AFAP1: variants seen among roughly 807,000 people sequenced by gnomAD.
The protein encoded by AFAP1 is actin filament-associated protein 1.
In AFAP1, 75 loss-of-function variants were observed where a neutral mutation model predicts 93.9. The ratio of observed to expected loss-of-function variants is 0.80; its 90% confidence interval spans 0.66 to 0.97. The LOEUF is 0.97. Among genes scored for constraint, AFAP1 ranks in the 50% least tolerant of loss-of-function variants. The pLI is 0.00. For synonymous variants in AFAP1, 517 were observed against 430.7 expected (o/e 1.20, Z -2.48); for missense variants, 1,201 against 1,050.8 (o/e 1.14, Z -1.98).
At chr4:7,855,884 G>C (rs1224532579) in intron 3 of AFAP1, among the ~76,000 whole-genome samples, 1 of 152,110 alleles carries the variant, frequency 6.6e-6, no homozygotes, top group Non-Finnish European at 1.5e-5. Context: ...CGCAGGACTG[G>C]GCCTGTTCAG....
chr4:7,778,317 G>T (rs762198805), intron 14 of AFAP1: 17 of 237,942 alleles, frequency 7.1e-5, no homozygotes, highest in Non-Finnish European at 1.3e-4. Flanking sequence ...AGTGCTTGGA[G>T]GTCCGTGTAT....
chr4:7,890,023 AAG>A (rs1325722274), intron 1 of AFAP1, among the ~76,000 whole-genome samples: 1 of 150,738 alleles, frequency 6.6e-6, no homozygotes, highest in Non-Finnish European at 1.5e-5. Flanking sequence ...AAAAAAAAAA[AAG>A]AAGCCAATTC....
intron 1 of AFAP1, among the ~76,000 whole-genome samples, chr4:7,893,915 A>T (rs1718620784): frequency 6.6e-6 from 1 of 152,192 alleles, no homozygotes; most frequent in South Asian, 2.1e-4. Flanking sequence ...GAAATAATGC[A>T]AACGCTGCCG....
rs370427640 is a variant in AFAP1 at position 7,849,580 on chromosome 4, T to C, written c.334+5886A>G. On this transcript the variant is annotated intron_variant, in intron 4 of 17. Coordinates refer to ENST00000420658, the MANE Select transcript of AFAP1 (RefSeq NM_001134647.2). ...GGGATGTGTCCAAGTAACACAATGA[T>C]GAAGTATGGCTACTTTCTGGAGCTG... Among the ~76,000 whole-genome samples the C allele has an allele frequency of 2.6e-5, 4 of 152,310 alleles. No individual in the cohort carries two copies. In the East Asian group the frequency reaches 5.8e-4, roughly 22 times the overall value.
chr4:7,917,028 C>T (rs1720119791), intron 1 of AFAP1, among the ~76,000 whole-genome samples: 2 of 152,186 alleles, frequency 1.3e-5, no homozygotes, highest in South Asian at 2.1e-4. Context: ...AGGAATAGTG[C>T]CATGAGTTTG....
chr4:7,818,423 G>A (rs1243034027), intron 7 of AFAP1, among the ~76,000 whole-genome samples: 2 of 152,198 alleles, frequency 1.3e-5, no homozygotes, highest in Non-Finnish European at 2.9e-5. Context: ...TCTCTTCAAT[G>A]GCAGGAGGTT....
intron 9 of AFAP1, among the ~76,000 whole-genome samples, chr4:7,803,685 C>T (rs987350476): frequency 1.3e-5 from 2 of 152,208 alleles, no homozygotes; most frequent in African/African-American, 4.8e-5. Flanking sequence ...GACCTGGTCC[C>T]GAAAAGGGAC....
In AFAP1 at chr4:7,839,485, GC is replaced by G. The variant is rs1437458140; in HGVS notation, c.547-783del. 5.3e-5 allele frequency among the ~76,000 whole-genome samples: 8 copies of G among 152,022 alleles called. No individual in the cohort carries two copies. The East Asian group carries it at 1.5e-3, about 29-fold the overall frequency. ...CTATTAGATTTGTTGCAACTCCACA[GC>G]CCTAATGAGAGAAAATGGAATAATT... On this transcript the variant is annotated intron_variant, in intron 5 of 17. Coordinates refer to ENST00000420658, the MANE Select transcript of AFAP1 (RefSeq NM_001134647.2).
At chr4:7,918,927 ATG>A (rs1720270073) in intron 1 of AFAP1, among the ~76,000 whole-genome samples, 1 of 148,582 alleles carries the variant, frequency 6.7e-6, no homozygotes, top group Non-Finnish European at 1.5e-5. Flanking sequence ...GGGCTGCCGG[ATG>A]AGACACTCGG....
chr4:7,786,818 A>G (rs1717307272), intron 11 of AFAP1, among the ~76,000 whole-genome samples: 1 of 152,268 alleles, frequency 6.6e-6, no homozygotes, highest in African/African-American at 2.4e-5. Context: ...TGGCCTGCAA[A>G]GCTGAAAGTT....
In AFAP1 at chr4:7,772,890, T is replaced by C. The variant is rs370460444; in HGVS notation, c.2183A>G (p.Lys728Arg). The change falls in exon 16 of 18, where the codon AAG becomes AGG. Residue 728 changes from lysine to arginine, a missense_variant. Coordinates refer to ENST00000420658, the MANE Select transcript of AFAP1 (RefSeq NM_001134647.2). Reference sequence around the variant, plus strand: ...GGTGACTCCGCCCGCCAGCGCTTTCTTCAGGCTCTCCTTGACCTCCGTCAG... The same window carrying C: ...GGTGACTCCGCCCGCCAGCGCTTTCCTCAGGCTCTCCTTGACCTCCGTCAG... ...LELTEVKESLKKALAGGVTLG... is the reference protein window; with the variant it reads ...LELTEVKESLRKALAGGVTLG... 5 of 1,614,190 alleles carry C rather than the reference T, an allele frequency of 3.1e-6. No homozygotes were observed. The highest frequency in any genetic ancestry group is 1.6e-4 in the Middle Eastern group (1 of 6,062).
rs1162174728 is a variant in AFAP1, at chr4:7,827,669, T to C, written c.727-8498A>G. ...GAAGCTTTTGAGAGACACCAACCCA[T>C]AGAACAAAGAAGCACAACCAACCCT... is the stretch of plus-strand genomic sequence containing the variant. On this transcript the variant is annotated intron_variant, in intron 6 of 17. Coordinates refer to ENST00000420658, the MANE Select transcript of AFAP1 (RefSeq NM_001134647.2). Among the ~76,000 whole-genome samples the C allele has an allele frequency of 5.1e-5, 7 of 138,024 alleles. No homozygotes were observed. In the East Asian group the frequency reaches 8.6e-4, roughly 17 times the overall value. The allele number at this position is 138,024 out of a possible 152,430, so 90.5% of individuals were successfully genotyped here.
chr4:7,786,212 G>A lies in AFAP1; in HGVS notation c.1512C>T (p.Val504=). 1 of 1,614,172 alleles carries A rather than the reference G, an allele frequency of 6.2e-7. No homozygotes were observed. The highest frequency in any genetic ancestry group is 1.1e-5 in the South Asian group (1 of 91,074). ...CACTCACCGAGCCGTTGATGCACGG[G>A]ACATCGTCATAATGAAGTGCCGTCC... ...PSGTALHYDD[V]PCINGSWEPE... The change falls in exon 12 of 18, where the codon GTC becomes GTT. Residue 504 remains valine (V), a synonymous_variant. Coordinates refer to ENST00000420658, the MANE Select transcript of AFAP1 (RefSeq NM_001134647.2).
intron 4 of AFAP1, 44 bp from the exon 5 acceptor site, chr4:7,843,394 T>C (rs1047687100): frequency 2.0e-6 from 3 of 1,536,666 alleles, no homozygotes; most frequent in African/African-American, 1.4e-5. Flanking sequence ...CTTCTTTACC[T>C]TGAAGTTTAC....
Position 7,865,565 on chromosome 4 carries a change from G to T in AFAP1, c.225+3057C>A, listed in dbSNP as rs115441156. 5.9e-3 allele frequency among the ~76,000 whole-genome samples: 894 copies of T among 152,278 alleles called. 7 individuals are homozygous for T. The highest frequency in any genetic ancestry group is 0.019 in the African/African-American group (779 of 41,540). ...TACCAAAGGCAGGAGCAGATCATAG[G>T]CCAGGGAAAGCAAGAGACAAGGAGA... is the stretch of plus-strand genomic sequence containing the variant. On this transcript the variant is annotated intron_variant, in intron 3 of 17. Transcript: ENST00000420658.
At chr4:7,882,880 C>T (rs1461556037) in intron 1 of AFAP1, among the ~76,000 whole-genome samples, 1 of 151,230 alleles carries the variant, frequency 6.6e-6, no homozygotes, top group Non-Finnish European at 1.5e-5. Context: ...AAAGGTGATT[C>T]AATATTAGAA....
intron 1 of AFAP1, among the ~76,000 whole-genome samples, chr4:7,913,657 A>G (rs1274636059): frequency 6.6e-6 from 1 of 152,228 alleles, no homozygotes; most frequent in Non-Finnish European, 1.5e-5. Context: ...TAATTAAGGT[A>G]TATTTCCCAC....
rs540357069 is a variant in AFAP1 at position 7,819,293 on chromosome 4, C to G, written c.727-122G>C. 1.3e-4 allele frequency: 110 copies of G among 826,710 alleles called. 1 individual carries two copies. The African/African-American group carries it at 1.7e-3, about 13-fold the overall frequency. 51.2% of individuals were successfully genotyped at this position (826,710 alleles called of 1,614,324 possible). On this transcript the variant is annotated intron_variant, in intron 6 of 17. Transcript: ENST00000420658. ...AGGGAAATTCATGGGCTCAAAGCAC[C>G]TGGCTCTGAGTTCCAGCGTGCCAGG... is the stretch of plus-strand genomic sequence containing the variant.
chr4:7,770,029 C>T (rs1353175627), intron 16 of AFAP1, among the ~76,000 whole-genome samples: 1 of 152,178 alleles, frequency 6.6e-6, no homozygotes, highest in Non-Finnish European at 1.5e-5. Context: ...AGGGGTCCAC[C>T]GAATAAGCCA....
Sources: gnomAD v4.1 joint callset for allele counts (sites outside exome capture counted in the v4.1 genomes callset) on GRCh38, gnomAD v4.1.1 for gene constraint, MANE v1.5 for transcripts, NCBI Gene and HGNC (gene_info 2026-07-23, HGNC 2026-07-21) for gene names.